The following LOC128125817 variants were observed in gnomAD, a reference collection of about 807,000 sequenced individuals.
At chr1:41,609,062 T>TA in the LOC128125817 span, among the ~76,000 whole-genome samples, 7,757 of 141,468 alleles carry the variant, frequency 0.055, 509 homozygotes, top group African/African-American at 0.16. Context: ...TCCGTCTCAA[T>TA]AAAAAAAAAA....
chr1:41,613,084 G>C, the LOC128125817 span, among the ~76,000 whole-genome samples: 3 of 152,240 alleles, frequency 2.0e-5, no homozygotes, highest in African/African-American at 7.2e-5. Flanking sequence ...GGACAGCCAG[G>C]AGCACTGGGC....
chr1:41,615,308 T>C, the LOC128125817 span, among the ~76,000 whole-genome samples: 1 of 152,206 alleles, frequency 6.6e-6, no homozygotes, highest in Non-Finnish European at 1.5e-5. Context: ...TACTCATGGT[T>C]TATGTCCTGA....
the LOC128125817 span, among the ~76,000 whole-genome samples, chr1:41,605,443 G>T: frequency 6.6e-6 from 1 of 151,534 alleles, no homozygotes; most frequent in African/African-American, 2.4e-5. Flanking sequence ...CCAGTACAGC[G>T]GTACACTTCT....
the LOC128125817 span, among the ~76,000 whole-genome samples, chr1:41,603,193 A>T: frequency 6.6e-6 from 1 of 151,930 alleles, no homozygotes; most frequent in Non-Finnish European, 1.5e-5. Context: ...CAGCCTCCTG[A>T]ATAGCTGGGA....
At chr1:41,609,545 A>C in the LOC128125817 span, among the ~76,000 whole-genome samples, 1 of 152,284 alleles carries the variant, frequency 6.6e-6, no homozygotes, top group Non-Finnish European at 1.5e-5. Context: ...TAAGTGTACC[A>C]GGAGAAAGGG....
chr1:41,623,564 C>T, the LOC128125817 span, among the ~76,000 whole-genome samples: 1 of 152,208 alleles, frequency 6.6e-6, no homozygotes, highest in Admixed American at 6.5e-5. Flanking sequence ...AGCCCATGGC[C>T]TCCAAAAACC....
the LOC128125817 span, among the ~76,000 whole-genome samples, chr1:41,613,953 G>A: frequency 0.028 from 4,320 of 152,264 alleles, 260 homozygotes; most frequent in Admixed American, 0.16. Context: ...TTAGCATAAC[G>A]TTTTTCATCA....
the LOC128125817 span, among the ~76,000 whole-genome samples, chr1:41,602,619 CCT>C: frequency 1.3e-5 from 2 of 151,872 alleles, no homozygotes; most frequent in Admixed American, 1.3e-4. Context: ...ATTTGAGTCT[CCT>C]CTCTTTTTTT....
chr1:41,623,636 A>G, the LOC128125817 span, among the ~76,000 whole-genome samples: 1 of 151,770 alleles, frequency 6.6e-6, no homozygotes, highest in South Asian at 2.1e-4. Context: ...GGGAGTCAGG[A>G]CTCCTGGGTT....
At chr1:41,622,590 T>G in the LOC128125817 span, among the ~76,000 whole-genome samples, 1 of 152,152 alleles carries the variant, frequency 6.6e-6, no homozygotes, top group Non-Finnish European at 1.5e-5. Context: ...AATGACAAAG[T>G]CAAGAGAGAC....
chr1:41,607,388 T>C, the LOC128125817 span, among the ~76,000 whole-genome samples: 3 of 152,238 alleles, frequency 2.0e-5, no homozygotes, highest in Admixed American at 1.3e-4. Context: ...TGAAGTTTTT[T>C]CCATAATGAT....
At chr1:41,587,317 G>A in the LOC128125817 span, among the ~76,000 whole-genome samples, 5 of 152,200 alleles carry the variant, frequency 3.3e-5, no homozygotes, top group African/African-American at 1.2e-4. Flanking sequence ...TCTCCTATGA[G>A]CAGTCAAAGG....
the LOC128125817 span, among the ~76,000 whole-genome samples, chr1:41,607,554 T>G: frequency 6.6e-6 from 1 of 152,244 alleles, no homozygotes; most frequent in East Asian, 1.9e-4. Flanking sequence ...GTTTTGGGCT[T>G]TCTTATATTC....
the LOC128125817 span, among the ~76,000 whole-genome samples, chr1:41,607,943 G>T: frequency 4.6e-5 from 7 of 152,172 alleles, no homozygotes; most frequent in Non-Finnish European, 1.0e-4. Flanking sequence ...GAACGATAAA[G>T]GGGAGGGCAG....
Sources: gnomAD v4.1 joint callset for allele counts (sites outside exome capture counted in the v4.1 genomes callset) on GRCh38, gnomAD v4.1.1 for gene constraint, MANE v1.5 for transcripts.